The following XKRX variants were observed in gnomAD, a reference collection of about 807,000 sequenced individuals.
The protein encoded by XKRX is XK-related protein 2.
A neutral mutation model predicts 22.4 loss-of-function variants in XKRX; 11 were observed. The ratio of observed to expected loss-of-function variants is 0.49; its 90% confidence interval spans 0.31 to 0.81. The LOEUF (loss-of-function observed/expected upper bound fraction) is 0.81. XKRX is among the 40% of genes least tolerant of loss of function. XKRX has a pLI of 0.05. For missense variants in XKRX, 320 were observed against 336.5 expected, an observed-to-expected ratio of 0.95 and a Z score of 0.38; for synonymous variants, 114 against 132.2, an observed-to-expected ratio of 0.86 and a Z score of 0.94.
chrX:100,897,268 T>C, the XKRX span, among the ~76,000 whole-genome samples: 2 of 111,010 alleles, frequency 1.8e-5, no homozygotes, highest in Non-Finnish European at 3.8e-5. Flanking sequence ...CTTTATAAAC[T>C]CATTATATTT....
At chrX:100,955,027 T>G in the XKRX span, among the ~76,000 whole-genome samples, 2 of 112,123 alleles carry the variant, frequency 1.8e-5, no homozygotes, top group African/African-American at 6.5e-5. Flanking sequence ...TAAAAAACGA[T>G]GAACTGCACA....
chrX:100,916,898 C>G (rs2085438753), intron 2 of XKRX, among the ~76,000 whole-genome samples: 1 of 112,434 alleles, frequency 8.9e-6, no homozygotes, highest in African/African-American at 3.2e-5. Context: ...GCGGATGGAT[C>G]ACCTGAGGTC....
chrX:100,918,994 A>C (rs373701560), intron 2 of XKRX, among the ~76,000 whole-genome samples: 1 of 111,686 alleles, frequency 9.0e-6, no homozygotes, highest in African/African-American at 3.2e-5. Flanking sequence ...GACTCATAGC[A>C]AGAAAACTAT....
the XKRX span, among the ~76,000 whole-genome samples, chrX:100,903,038 C>T: frequency 2.6e-4 from 28 of 108,323 alleles, no homozygotes; most frequent in African/African-American, 6.7e-4. Context: ...CGTGAGCCAC[C>T]GCACCTGGCC....
chrX:100,900,981 G>A, the XKRX span, among the ~76,000 whole-genome samples: 9 of 109,528 alleles, frequency 8.2e-5, no homozygotes, highest in African/African-American at 2.0e-4. Flanking sequence ...TAGTAGAGAC[G>A]GGGTTTTACC....
chrX:100,906,593 G>T, the XKRX span, among the ~76,000 whole-genome samples: 1 of 112,016 alleles, frequency 8.9e-6, no homozygotes, highest in Admixed American at 9.5e-5. Flanking sequence ...ATCTTAACAT[G>T]ACATTAAAGC....
chrX:100,945,958 A>C, the XKRX span, among the ~76,000 whole-genome samples: 1 of 110,582 alleles, frequency 9.0e-6, no homozygotes, highest in Non-Finnish European at 1.9e-5. Flanking sequence ...GGCTAGGCGG[A>C]CGAATCACCT....
At chrX:100,909,189 G>A (rs1302018044), downstream of XKRX, among the ~76,000 whole-genome samples, 1 of 111,729 alleles carries the variant, frequency 9.0e-6, no homozygotes, top group Non-Finnish European at 1.9e-5. Context: ...AAAGGAAATG[G>A]GCCCCTCTAC....
intron 2 of XKRX, 111 bp from the exon 3 acceptor site, chrX:100,915,194 C>T: frequency 1.2e-6 from 1 of 831,057 alleles, no homozygotes; most frequent in Non-Finnish European, 1.7e-6. Flanking sequence ...CTTGAGAGCT[C>T]CAGTTAAGAG....
the XKRX span, among the ~76,000 whole-genome samples, chrX:100,946,274 C>G: frequency 3.6e-5 from 4 of 111,060 alleles, no homozygotes; most frequent in African/African-American, 1.3e-4. Flanking sequence ...CATGAACTGT[C>G]ACTCTCAACA....
the XKRX span, among the ~76,000 whole-genome samples, chrX:100,947,551 G>T: frequency 5.3e-4 from 59 of 111,931 alleles, no homozygotes; most frequent in African/African-American, 1.7e-3. Context: ...ATAAAGATAG[G>T]GAAAAAATAG....
chrX:100,955,047 G>C, the XKRX span, among the ~76,000 whole-genome samples: 1 of 111,790 alleles, frequency 8.9e-6, no homozygotes, highest in Non-Finnish European at 1.9e-5. Flanking sequence ...ATTTTAAATG[G>C]GAGAATTGTA....
the XKRX span, among the ~76,000 whole-genome samples, chrX:100,947,589 G>A: frequency 8.9e-6 from 1 of 112,102 alleles, no homozygotes; most frequent in Non-Finnish European, 1.9e-5. Context: ...AATCTCATTT[G>A]TACATGAAAG....
At chrX:100,937,585 C>G in the XKRX span, among the ~76,000 whole-genome samples, 1 of 111,603 alleles carries the variant, frequency 9.0e-6, no homozygotes, top group African/African-American at 3.3e-5. Flanking sequence ...ACAGTCTACT[C>G]CTAGTACAGT....
At chrX:100,920,612 T>G (rs948828762) in intron 2 of XKRX, among the ~76,000 whole-genome samples, 2 of 111,827 alleles carry the variant, frequency 1.8e-5, no homozygotes, top group African/African-American at 6.5e-5. Flanking sequence ...CAAAAAAAAT[T>G]TTCAAACCAT....
At chrX:100,923,455 C>G (rs1280920350) in intron 1 of XKRX, among the ~76,000 whole-genome samples, 1 of 112,174 alleles carries the variant, frequency 8.9e-6, no homozygotes, top group Non-Finnish European at 1.9e-5. Flanking sequence ...GACACCATGG[C>G]CAGCCTGCAC....
At chrX:100,929,498 G>C (rs916016213), upstream of XKRX, 3 of 111,192 alleles carry the variant, frequency 2.7e-5, no homozygotes, top group African/African-American at 9.8e-5. Flanking sequence ...TAAGTGACTT[G>C]CTTCAACACT....
At chrX:100,908,106 A>AGTGTGTGTGTGTGT in the XKRX span, among the ~76,000 whole-genome samples, 23,243 of 86,634 alleles carry the variant, frequency 0.27, 2,657 homozygotes, top group Non-Finnish European at 0.29. Flanking sequence ...TCATGCATGG[A>AGTGTGTGTGTGTGT]GTGTGTGTGT....
intron 1 of XKRX, among the ~76,000 whole-genome samples, chrX:100,925,204 TTC>T (rs1359262537): frequency 8.9e-6 from 1 of 112,330 alleles, no homozygotes; most frequent in Non-Finnish European, 1.9e-5. Context: ...TACATAAATG[TTC>T]TGTTTCTATT....
Sources: gnomAD v4.1 joint callset for allele counts (sites outside exome capture counted in the v4.1 genomes callset) on GRCh38, gnomAD v4.1.1 for gene constraint, MANE v1.5 for transcripts, NCBI Gene and HGNC (gene_info 2026-07-23, HGNC 2026-07-21) for gene names.